Variants in ITGB3BP observed in about 807,000 individuals in gnomAD.
ITGB3BP encodes the protein centromere protein R.
A neutral mutation model predicts 29.1 loss-of-function variants in ITGB3BP; 27 were observed. The ratio of observed to expected loss-of-function variants is 0.93; its 90% CI spans 0.68 to 1.28. ITGB3BP has a LOEUF of 1.28. ITGB3BP is among the 50% of genes most tolerant of loss of function. The probability of loss-of-function intolerance (pLI) is 0.00; values close to 1 mark genes in which losing one functional copy is unlikely to be tolerated. For missense variants in ITGB3BP, 192 were observed against 200.2 expected (o/e 0.96, Z 0.25); for synonymous variants, 61 against 61.4 (o/e 0.99, Z 0.03).
At chr1:63,515,825 TAAAAAAAAAAAAAAAAAA>T (rs76881362) in intron 1 of ITGB3BP, among the ~76,000 whole-genome samples, 1 of 48,594 alleles carries the variant, frequency 2.1e-5, no homozygotes, top group Non-Finnish European at 3.5e-5. Context: ...GACTCCAACT[TAAAAAAAAAAAAAAAAAA>T]AAAAAAAAAA....
intron 1 of ITGB3BP, among the ~76,000 whole-genome samples, chr1:63,519,179 ATGTT>A (rs1398741580): frequency 1.3e-5 from 2 of 152,140 alleles, no homozygotes; most frequent in African/African-American, 4.8e-5. Context: ...TAAATTGAAA[ATGTT>A]AGTTGAAAAT....
In ITGB3BP at chr1:63,490,164, T is replaced by C. The variant is rs1241149579; in HGVS notation, c.103A>G (p.Thr35Ala). ...RKKSVITYSP[T>A]TGTCQMSLFA... ...AGACTCATTTGACAAGTTCCAGTTG[T>C]TGGAGAATAAGTTATAACACTTTTC... is the stretch of plus-strand genomic sequence containing the variant. The change falls in exon 3 of 9, where the codon ACA (threonine) becomes GCA (alanine). Residue 35 changes from threonine (T) to alanine (A), a missense_variant. By Grantham distance (58) the Thr-to-Ala change is moderately conservative. Coordinates refer to ENST00000271002, the MANE Select transcript of ITGB3BP (RefSeq NM_014288.5). 7 of 1,600,828 alleles carry C rather than the reference T, an allele frequency of 4.4e-6. No homozygotes were observed. Among genetic ancestry groups the C allele is most frequent in the Non-Finnish European group, 6.0e-6 (7 of 1,168,886 alleles).
chr1:63,523,495 T>C (rs1646512802), upstream of ITGB3BP: 3 of 334,852 alleles, frequency 9.0e-6, 1 homozygote, highest in Admixed American at 9.0e-5. Context: ...AGAAGGGCTC[T>C]GCATCTTATT....
At chr1:63,475,421 G>A (rs752626418) in intron 4 of ITGB3BP, among the ~76,000 whole-genome samples, 19 of 152,184 alleles carry the variant, frequency 1.2e-4, no homozygotes, top group Non-Finnish European at 8.8e-5. Flanking sequence ...GCCAGGGGTA[G>A]TAACATACCT....
At chr1:63,441,784 A>G (rs1429657041) in intron 8 of ITGB3BP, among the ~76,000 whole-genome samples, 3 of 152,152 alleles carry the variant, frequency 2.0e-5, no homozygotes, top group African/African-American at 7.2e-5. Flanking sequence ...ACAGATTCCT[A>G]TTCAGAATAT....
chr1:63,455,867 AAATTTTCTTTAAT>A (rs1644928893), intron 4 of ITGB3BP, among the ~76,000 whole-genome samples: 1 of 139,126 alleles, frequency 7.2e-6, no homozygotes, highest in Non-Finnish European at 1.5e-5. Flanking sequence ...ATAAAAAGGT[AAATTTTCTTTAAT>A]AATTTTCATG....
chr1:63,513,596 T>G (rs1049855975), intron 1 of ITGB3BP, among the ~76,000 whole-genome samples: 1 of 152,134 alleles, frequency 6.6e-6, no homozygotes, highest in South Asian at 2.1e-4. Context: ...ACAGTCTCTC[T>G]CAGAGGACAG....
chr1:63,453,165 CA>C (rs1644885564), intron 7 of ITGB3BP, among the ~76,000 whole-genome samples: 2 of 152,106 alleles, frequency 1.3e-5, no homozygotes, highest in African/African-American at 4.8e-5. Context: ...GCTATCTTTC[CA>C]CATTGCTGTA....
At chr1:63,478,450 A>G (rs143155824) in intron 4 of ITGB3BP, among the ~76,000 whole-genome samples, 6 of 152,314 alleles carry the variant, frequency 3.9e-5, no homozygotes, top group African/African-American at 1.4e-4. Context: ...TTGTTCCTAA[A>G]CCACGCATTA....
chr1:63,527,631 C>G (rs1019771066), upstream of ITGB3BP, among the ~76,000 whole-genome samples: 2 of 152,148 alleles, frequency 1.3e-5, no homozygotes, highest in Non-Finnish European at 2.9e-5. Context: ...TTACTATCAT[C>G]AAACTTAATC....
intron 2 of ITGB3BP, among the ~76,000 whole-genome samples, chr1:63,492,413 G>A (rs1489505377): frequency 6.6e-6 from 1 of 151,928 alleles, no homozygotes; most frequent in Non-Finnish European, 1.5e-5. Flanking sequence ...CTTCCCTACT[G>A]GTACACACAA....
intron 3 of ITGB3BP, among the ~76,000 whole-genome samples, chr1:63,483,199 A>G (rs1488832540): frequency 6.6e-6 from 1 of 152,154 alleles, no homozygotes; most frequent in Non-Finnish European, 1.5e-5. Flanking sequence ...TAACTGATTT[A>G]AGTGTTATTC....
chr1:63,444,644 T>C (rs1644768979), intron 8 of ITGB3BP, among the ~76,000 whole-genome samples: 1 of 114,658 alleles, frequency 8.7e-6, no homozygotes, highest in Non-Finnish European at 2.0e-5. Context: ...TATATATATA[T>C]CTCCTATTAC....
At chr1:63,480,340 T>C (rs1230507865) in intron 3 of ITGB3BP, among the ~76,000 whole-genome samples, 2 of 152,146 alleles carry the variant, frequency 1.3e-5, no homozygotes, top group South Asian at 2.1e-4. Context: ...ATGAGCTATT[T>C]AGTTGTTTGT....
upstream of ITGB3BP, chr1:63,523,226 G>T: frequency 6.4e-7 from 1 of 1,565,362 alleles, no homozygotes; most frequent in East Asian, 2.2e-5. Context: ...GCCAAGGCAT[G>T]AAAAGCGCGC....
chr1:63,527,337 C>T (rs1474252681), upstream of ITGB3BP, among the ~76,000 whole-genome samples: 1 of 152,100 alleles, frequency 6.6e-6, no homozygotes, highest in Non-Finnish European at 1.5e-5. Context: ...ACTCTCTTAA[C>T]GTTGTAATAA....
At position 63,521,475 on chromosome 1, in the gene ITGB3BP, T is replaced by C. The variant is rs138480529; in HGVS notation, c.5+1654A>G. Among the ~76,000 whole-genome samples, 528 of 152,270 alleles carry C rather than the reference T, an allele frequency of 3.5e-3. 2 individuals are homozygous for C. The highest frequency in any genetic ancestry group is 0.012 in the African/African-American group (488 of 41,532). ...AGGTTGTGTATTTATTACCAGAATA[T>C]ACTTATCTAAAAGCCTAATATAACA... On this transcript the variant is annotated intron_variant, in intron 1 of 8. Coordinates refer to ENST00000271002, the MANE Select transcript of ITGB3BP (RefSeq NM_014288.5).
At chr1:63,520,264 CTGAG>C (rs1015621871) in intron 1 of ITGB3BP, among the ~76,000 whole-genome samples, 1 of 152,134 alleles carries the variant, frequency 6.6e-6, no homozygotes, top group African/African-American at 2.4e-5. Context: ...AATGAGGACA[CTGAG>C]TAACAATCTA....
At chr1:63,502,530 ATACTT>A in intron 2 of ITGB3BP, among the ~76,000 whole-genome samples, 2 of 145,108 alleles carry the variant, frequency 1.4e-5, no homozygotes, top group South Asian at 4.3e-4. Flanking sequence ...TTTTTTTTTA[ATACTT>A]TAAGTTTTAG....
Sources: gnomAD v4.1 joint callset for allele counts (sites outside exome capture counted in the v4.1 genomes callset) on GRCh38, gnomAD v4.1.1 for gene constraint, MANE v1.5 for transcripts, NCBI Gene and HGNC (gene_info 2026-07-23, HGNC 2026-07-21) for gene names.